NDUFA10: variants seen among roughly 807,000 people sequenced by gnomAD.
NDUFA10 encodes NADH:ubiquinone oxidoreductase subunit A10, also known as NADH dehydrogenase [ubiquinone] 1 alpha subcomplex subunit 10, mitochondrial.
NDUFA10 carries 40 observed loss-of-function variants against 47.8 expected under a neutral mutation model. That is an observed-to-expected ratio of 0.84 (90% confidence interval 0.65 to 1.09). The LOEUF is 1.09. Among genes scored for constraint, NDUFA10 ranks in the 50% least tolerant of loss-of-function variants. The pLI, the probability that NDUFA10 is intolerant of heterozygous loss-of-function variation, is 0.00. For synonymous variants in NDUFA10, 183 were observed against 172.2 expected (o/e 1.06, Z -0.49); for missense variants, 413 against 451.1 (o/e 0.92, Z 0.76).
chr2:239,993,627 G>A (rs1696344874), intron 8 of NDUFA10, among the ~76,000 whole-genome samples: 1 of 152,046 alleles, frequency 6.6e-6, no homozygotes, highest in East Asian at 1.9e-4. Flanking sequence ...GGGTCACTGT[G>A]ACTTTTTAAA....
chr2:239,973,353 T>C (rs1170488415), intron 9 of NDUFA10, among the ~76,000 whole-genome samples: 1 of 152,212 alleles, frequency 6.6e-6, no homozygotes, highest in Non-Finnish European at 1.5e-5. Context: ...CTGATCCTAG[T>C]GCCTTTCTGT....
intron 8 of NDUFA10, among the ~76,000 whole-genome samples, chr2:239,998,755 CA>C (rs1340173517): frequency 2.6e-5 from 4 of 152,282 alleles, no homozygotes; most frequent in Admixed American, 2.0e-4. Flanking sequence ...AAATACTGCC[CA>C]TATGTTACTG....
Position 239,987,542 on chromosome 2 carries a change from T to C in NDUFA10, c.999+2532A>G, listed in dbSNP as rs1696049970. On this transcript the variant is annotated intron_variant, in intron 9 of 9. Coordinates refer to ENST00000252711, the MANE Select transcript of NDUFA10 (RefSeq NM_004544.4). This position sits in a 1 kb window ranked among gnomAD's most constrained non-coding sequence, Gnocchi z 4.8. Reference sequence around the variant, plus strand: ...TTAAATGGTTCAGGAAAAGTTATTTTTCTTTTTTTAGTTTGGAACATCCCA... The same window carrying C: ...TTAAATGGTTCAGGAAAAGTTATTTCTCTTTTTTTAGTTTGGAACATCCCA... Among the ~76,000 whole-genome samples, 1 of 152,146 alleles carries C rather than the reference T, an allele frequency of 6.6e-6. No homozygotes were observed. Among genetic ancestry groups the C allele is most frequent in the Non-Finnish European group, 1.5e-5 (1 of 68,034 alleles).
downstream of NDUFA10, among the ~76,000 whole-genome samples, chr2:239,954,901 C>G (rs1290327166): frequency 6.6e-6 from 1 of 152,166 alleles, no homozygotes; most frequent in Non-Finnish European, 1.5e-5. Context: ...CACTGCCGCC[C>G]GACCTGCCGC....
At position 239,945,463 on chromosome 2, in the gene NDUFA10, GC is replaced by G. The variant is rs1226576487; in HGVS notation, c.294+44610del. Among the ~76,000 whole-genome samples the G allele has an allele frequency of 6.6e-6, 1 of 152,136 alleles. No homozygotes were observed. The highest frequency in any genetic ancestry group is 1.5e-5 in the Non-Finnish European group (1 of 68,034). ...CGCTGGGAGGCCCCTCGGGGGAAGA[GC>G]GGACACCCCAACCGGAACGCAGGCT... On this transcript the variant is annotated intron_variant, in intron 4 of 5. Coordinates refer to the NDUFA10 transcript ENST00000419408. The surrounding 1 kb of genome is among the most constrained non-coding windows in gnomAD (Gnocchi z 4.6).
chr2:239,899,021 C>G (rs140987088), intron 4 of NDUFA10, among the ~76,000 whole-genome samples: 584 of 44,868 alleles, frequency 0.013, 5 homozygotes, highest in East Asian at 0.03. Context: ...GGAGGGGAGT[C>G]ATGGAGGGGT....
chr2:240,021,294 C>A lies in NDUFA10; in HGVS notation c.363G>T (p.Pro121=), dbSNP rs749199433. 1.2e-6 allele frequency: 2 copies of A among 1,614,172 alleles called. No homozygotes were observed. The highest frequency in any genetic ancestry group is 1.3e-5 in the African/African-American group (1 of 75,046). Reference sequence around the variant, plus strand: ...GGTAACTGTTGCCATCATTGCTTCTCGGATCATCGTAAAATTTCTCCAAAC... The same window carrying A: ...GGTAACTGTTGCCATCATTGCTTCTAGGATCATCGTAAAATTTCTCCAAAC... ...NCSLEKFYDD[P]RSNDGNSYRL... The change falls in exon 3 of 10, where the codon CCG becomes CCT. Residue 121 remains proline (P), a synonymous_variant. Coordinates refer to ENST00000252711, the MANE Select transcript of NDUFA10 (RefSeq NM_004544.4).
At chr2:239,900,896 T>C (rs1021702844) in intron 4 of NDUFA10, among the ~76,000 whole-genome samples, 15 of 152,208 alleles carry the variant, frequency 9.9e-5, no homozygotes, top group African/African-American at 3.1e-4. Context: ...CACATAAAGG[T>C]GCAAGGTGAA....
chr2:239,988,782 C>A (rs1387514937), intron 9 of NDUFA10, among the ~76,000 whole-genome samples: 1 of 152,210 alleles, frequency 6.6e-6, no homozygotes, highest in Non-Finnish European at 1.5e-5. Context: ...AGCAGCAAAT[C>A]CGCAGAGCCC....
rs199561593 is a variant in NDUFA10 at position 240,022,330 on chromosome 2, T to C, written c.86A>G (p.His29Arg). Residue 29 changes from histidine (H) to arginine (R), a missense_variant, in exon 2 of 10, where the codon CAT becomes CGT. Physicochemically the swap from His to Arg is conservative, Grantham distance 29. Coordinates refer to ENST00000252711, the MANE Select transcript of NDUFA10 (RefSeq NM_004544.4). ...AAGAQRVRGI[H>R]SSVQCKLRYG... is the part of the protein sequence containing the mutation. ...GCGCAGTTTGCACTGCACACTGCTATGAATTCCTCTCTGAAAAACACAAAA... is the reference window on the plus strand; with the variant it reads ...GCGCAGTTTGCACTGCACACTGCTACGAATTCCTCTCTGAAAAACACAAAA... 5.6e-5 allele frequency: 90 copies of C among 1,614,024 alleles called. No homozygotes were observed. The highest frequency in any genetic ancestry group is 7.4e-5 in the Non-Finnish European group (87 of 1,180,030).
At chr2:239,995,442 C>A (rs980088994) in intron 8 of NDUFA10, among the ~76,000 whole-genome samples, 5 of 152,088 alleles carry the variant, frequency 3.3e-5, no homozygotes, top group African/African-American at 4.8e-5. Context: ...GCAACCACTA[C>A]AAACATTTTT....
At chr2:239,911,670 A>AGTGTGTGTGTGTGTGTGTGTGTGT in intron 4 of NDUFA10, among the ~76,000 whole-genome samples, 1 of 146,652 alleles carries the variant, frequency 6.8e-6, no homozygotes, top group East Asian at 2.0e-4. Flanking sequence ...AACATGAGAG[A>AGTGTGTGTGTGTGTGTGTGTGTGT]GTGTGTGTGC....
intron 9 of NDUFA10, chr2:239,982,353 G>C (rs1559351399): frequency 7.7e-7 from 1 of 1,290,704 alleles, no homozygotes; most frequent in African/African-American, 1.5e-5. Flanking sequence ...TTCTTGTCTT[G>C]ATTGTATTTA....
chr2:239,938,826 C>A (rs1174671362), intron 4 of NDUFA10, among the ~76,000 whole-genome samples: 1 of 152,166 alleles, frequency 6.6e-6, no homozygotes, highest in African/African-American at 2.4e-5. Context: ...AGCGAATGCA[C>A]CATCCAGCGA....
In NDUFA10 at chr2:239,937,502, A is replaced by G. The variant is rs186278048; in HGVS notation, c.295-42188T>C. On this transcript the variant is annotated intron_variant, in intron 4 of 5. Transcript: ENST00000419408. ...TTGTGGCTGTTGTCAAGGTTCATGT[A>G]CGCGGTGGCCTCGATCCCAGCTTCA... Among the ~76,000 whole-genome samples the G allele has an allele frequency of 4.3e-3, 648 of 152,264 alleles. 3 individuals are homozygous for G. The highest frequency in any genetic ancestry group is 0.014 in the African/African-American group (579 of 41,564).
intron 4 of NDUFA10, among the ~76,000 whole-genome samples, chr2:239,920,960 GA>G (rs1693966022): frequency 6.6e-6 from 1 of 152,190 alleles, no homozygotes; most frequent in African/African-American, 2.4e-5. Flanking sequence ...GTATCCTGGG[GA>G]AGGCTGAATG....
Position 240,022,312 on chromosome 2 carries a change from T to C in NDUFA10, c.104A>G (p.Lys35Arg). Residue 35 changes from lysine to arginine, a missense_variant, in exon 2 of 10, where the codon AAA becomes AGA. Lys to Arg is a conservative substitution (Grantham distance 26, BLOSUM62 2). Coordinates refer to ENST00000252711, the MANE Select transcript of NDUFA10 (RefSeq NM_004544.4). ...VRGIHSSVQC[K>R]LRYGMWHFLL... ...GAAATGCCACATTCCATAGCGCAGT[T>C]TGCACTGCACACTGCTATGAATTCC... is the stretch of plus-strand genomic sequence containing the variant. 8.1e-6 allele frequency: 13 copies of C among 1,614,036 alleles called. No homozygotes were observed. The highest frequency in any genetic ancestry group is 1.1e-5 in the Non-Finnish European group (13 of 1,179,948).
chr2:239,902,114 G>A (rs1008190043), intron 4 of NDUFA10, among the ~76,000 whole-genome samples: 7 of 152,188 alleles, frequency 4.6e-5, no homozygotes, highest in South Asian at 2.1e-4. Flanking sequence ...GTGGCAGGGA[G>A]ATTTACTCTC....
At chr2:240,018,460 C>T (rs774438839) in intron 4 of NDUFA10, 93 bp downstream of exon 4, 49 of 1,608,936 alleles carry the variant, frequency 3.0e-5, no homozygotes, top group Non-Finnish European at 1.0e-5. Flanking sequence ...ATCTAACAGA[C>T]ATTCATAAAC....
Sources: allele counts gnomAD v4.1 joint callset (sites outside exome capture counted in the v4.1 genomes callset), GRCh38; gene constraint gnomAD v4.1.1; non-coding constraint Gnocchi (gnomAD v3.1); transcripts MANE v1.5; gene names NCBI Gene and HGNC (gene_info 2026-07-23, HGNC 2026-07-21).